VPS13B: variants seen among roughly 807,000 people sequenced by gnomAD.
VPS13B encodes vacuolar protein sorting 13 homolog B.
In VPS13B, 285 loss-of-function variants were observed where a neutral mutation model predicts 426.4. The ratio of observed to expected loss-of-function variants is 0.67; its 90% CI spans 0.61 to 0.74. The LOEUF is 0.74. VPS13B is among the 30% of genes least tolerant of loss of function. The probability of loss-of-function intolerance (pLI) is 0.00; values close to 1 mark genes in which losing one functional copy is unlikely to be tolerated. For missense variants in VPS13B, 4,537 were observed against 4,782.6 expected (o/e 0.95, Z 1.51); for synonymous variants, 1,676 against 1,676.4 (o/e 1.00, Z 0.01).
intron 60 of VPS13B, 162 bp from the exon 61 acceptor site, chr8:99,871,286 C>A: frequency 9.2e-7 from 1 of 1,092,848 alleles, no homozygotes. Context: ...TAATCAGAAT[C>A]AGTCTGAGAA....
At chr8:99,701,010 C>T (rs993711875) in intron 36 of VPS13B, among the ~76,000 whole-genome samples, 2 of 152,164 alleles carry the variant, frequency 1.3e-5, no homozygotes, top group African/African-American at 4.8e-5. Flanking sequence ...TGTAGACTTA[C>T]TGTAACTTAG....
At chr8:99,501,901 TCC>T in intron 26 of VPS13B, 43 bp downstream of exon 26, 1 of 1,207,130 alleles carries the variant, frequency 8.3e-7, no homozygotes, top group Non-Finnish European at 1.1e-6. Context: ...CCTCTGTCCC[TCC>T]CTCCCTCCCT....
At chr8:99,393,370 G>A (rs1260263398) in intron 21 of VPS13B, among the ~76,000 whole-genome samples, 1 of 151,774 alleles carries the variant, frequency 6.6e-6, no homozygotes, top group Non-Finnish European at 1.5e-5. Flanking sequence ...ATAATTGTTA[G>A]TGAGGGAAAA....
chr8:99,187,891 C>G (rs1277446360), intron 16 of VPS13B, among the ~76,000 whole-genome samples: 2 of 152,090 alleles, frequency 1.3e-5, no homozygotes, highest in East Asian at 3.9e-4. Context: ...TTGCTTAAGC[C>G]TGGGAGATGG....
At chr8:99,165,606 G>A (rs1287009406) in intron 15 of VPS13B, among the ~76,000 whole-genome samples, 1 of 152,188 alleles carries the variant, frequency 6.6e-6, no homozygotes, top group Admixed American at 6.5e-5. Flanking sequence ...GGATTCTTTG[G>A]ATCTGTTAAT....
intron 39 of VPS13B, among the ~76,000 whole-genome samples, chr8:99,757,009 T>C (rs1311147452): frequency 6.6e-6 from 1 of 152,178 alleles, no homozygotes; most frequent in East Asian, 1.9e-4. Context: ...CTCCCTGAAA[T>C]AATGTGTAAG....
At chr8:99,114,836 A>G (rs1847569331) in intron 6 of VPS13B, among the ~76,000 whole-genome samples, 1 of 152,232 alleles carries the variant, frequency 6.6e-6, no homozygotes, top group Non-Finnish European at 1.5e-5. Context: ...ATTAGTCAAA[A>G]TAAACCTTCT....
chr8:99,633,101 AG>A (rs1366918764), intron 33 of VPS13B, among the ~76,000 whole-genome samples: 1 of 152,052 alleles, frequency 6.6e-6, no homozygotes, highest in Admixed American at 6.6e-5. Flanking sequence ...GGGGTAAATT[AG>A]TTTTAAAAGC....
chr8:99,425,154 C>T (rs1257242986), intron 21 of VPS13B, among the ~76,000 whole-genome samples: 2 of 152,176 alleles, frequency 1.3e-5, no homozygotes, highest in Non-Finnish European at 2.9e-5. Context: ...GAGCTGGTAC[C>T]ATTCCTTCTG....
intron 3 of VPS13B, among the ~76,000 whole-genome samples, chr8:99,075,183 C>A (rs570679298): frequency 1.5e-4 from 23 of 152,048 alleles, no homozygotes; most frequent in Non-Finnish European, 2.6e-4. Context: ...ACTATTCTTG[C>A]GATGTTATAA....
At chr8:99,319,866 T>G (rs1045444594) in intron 19 of VPS13B, among the ~76,000 whole-genome samples, 3 of 152,204 alleles carry the variant, frequency 2.0e-5, no homozygotes, top group Non-Finnish European at 1.5e-5. Context: ...TTTTATGGAT[T>G]AAATAATATA....
At chr8:99,844,726 C>G (rs1815890870) in intron 54 of VPS13B, among the ~76,000 whole-genome samples, 1 of 152,156 alleles carries the variant, frequency 6.6e-6, no homozygotes, top group South Asian at 2.1e-4. Context: ...CTTCTAATAT[C>G]ATCACATTGG....
intron 33 of VPS13B, among the ~76,000 whole-genome samples, chr8:99,627,620 G>T (rs1038464887): frequency 6.6e-6 from 1 of 152,152 alleles, no homozygotes; most frequent in African/African-American, 2.4e-5. Context: ...CTGACCTCAT[G>T]TGATCTGCCT....
chr8:99,661,676 G>T (rs1281211276), intron 35 of VPS13B, among the ~76,000 whole-genome samples, 185 bp downstream of exon 35: 3 of 152,006 alleles, frequency 2.0e-5, no homozygotes. Context: ...TATGCATTAA[G>T]AATTACCTTC....
intron 35 of VPS13B, among the ~76,000 whole-genome samples, chr8:99,686,620 C>T (rs1474551206): frequency 6.6e-6 from 1 of 151,974 alleles, no homozygotes; most frequent in African/African-American, 2.4e-5. Context: ...AGTGGAGTCT[C>T]TCCCCATGGC....
At chr8:99,434,908 G>T (rs1044916818) in intron 22 of VPS13B, among the ~76,000 whole-genome samples, 1 of 152,036 alleles carries the variant, frequency 6.6e-6, no homozygotes, top group Non-Finnish European at 1.5e-5. Flanking sequence ...GGTACCCTTT[G>T]TACAGTGGTA....
chr8:99,791,766 A>G (rs1812548834), intron 43 of VPS13B, among the ~76,000 whole-genome samples: 1 of 151,692 alleles, frequency 6.6e-6, no homozygotes, highest in South Asian at 2.1e-4. Flanking sequence ...TCTGGAGACT[A>G]AACAAAGGCA....
chr8:99,692,900 G>A (rs1388933178), intron 35 of VPS13B, among the ~76,000 whole-genome samples: 1 of 148,796 alleles, frequency 6.7e-6, no homozygotes, highest in Non-Finnish European at 1.5e-5. Context: ...ACTACCATCA[G>A]AGAATACTAC....
At position 99,271,247 on chromosome 8, in the gene VPS13B, A is replaced by ACTACTACTACTG. The variant is rs144769424; in HGVS notation, c.2516-2950_2516-2949insTACTACTACTGC. Reference sequence around the variant, plus strand: ...TACTACTACTACTACTACTACTACTACGATGATGATTGTATTAGCATTTTT... The same window carrying ACTACTACTACTG: ...TACTACTACTACTACTACTACTACTACTACTACTACTGCGATGATGATTGTATTAGCATTTTT... On this transcript the variant is annotated intron_variant, in intron 17 of 61. Coordinates refer to ENST00000357162, the MANE Select transcript of VPS13B (RefSeq NM_152564.5). Among the ~76,000 whole-genome samples, 15 of 148,770 alleles carry ACTACTACTACTG rather than the reference A, an allele frequency of 1.0e-4. 1 individual carries two copies. The highest frequency in any genetic ancestry group is 2.1e-4 in the South Asian group (1 of 4,752).
Sources: gnomAD v4.1 joint callset for allele counts (sites outside exome capture counted in the v4.1 genomes callset) on GRCh38, gnomAD v4.1.1 for gene constraint, MANE v1.5 for transcripts, NCBI Gene and HGNC (gene_info 2026-07-23, HGNC 2026-07-21) for gene names.